PXDNL: variants seen among roughly 807,000 people sequenced by gnomAD.
PXDNL encodes the protein peroxidasin like, also known as probable oxidoreductase PXDNL.
Under a neutral mutation model 150.8 loss-of-function variants are expected in PXDNL, and 145 were observed. The ratio of observed to expected loss-of-function variants is 0.96; its 90% CI spans 0.84 to 1.10. PXDNL has a LOEUF of 1.10. Ranked by LOEUF, PXDNL falls within the 50% of genes least tolerant of loss-of-function variation. The pLI is 0.00. For synonymous variants in PXDNL, 757 were observed against 725.7 expected (o/e 1.04, Z -0.69); for missense variants, 2,087 against 1,873.9 (o/e 1.11, Z -2.10).
intron 19 of PXDNL, among the ~76,000 whole-genome samples, chr8:51,348,031 T>A (rs1377128639): frequency 6.6e-6 from 1 of 152,208 alleles, no homozygotes; most frequent in Non-Finnish European, 1.5e-5. Flanking sequence ...TTTATGGAGA[T>A]CTTACTGAAT....
At chr8:51,571,712 A>G (rs1054345108) in intron 3 of PXDNL, among the ~76,000 whole-genome samples, 2 of 151,886 alleles carry the variant, frequency 1.3e-5, no homozygotes, top group African/African-American at 4.8e-5. Flanking sequence ...CATAGGACAG[A>G]AATGTGAGTT....
intron 3 of PXDNL, among the ~76,000 whole-genome samples, chr8:51,588,174 A>T (rs1288629297): frequency 6.6e-6 from 1 of 152,202 alleles, no homozygotes; most frequent in Non-Finnish European, 1.5e-5. Context: ...ATTTGAAGAA[A>T]TAAAAGAGCA....
At chr8:51,498,954 G>A (rs1044206364) in intron 5 of PXDNL, among the ~76,000 whole-genome samples, 5 of 152,042 alleles carry the variant, frequency 3.3e-5, no homozygotes, top group Non-Finnish European at 5.9e-5. Flanking sequence ...TTTTGTTGTT[G>A]GAGACTTGAG....
At chr8:51,482,025 C>T (rs146186545) in intron 6 of PXDNL, among the ~76,000 whole-genome samples, 24 of 152,308 alleles carry the variant, frequency 1.6e-4, no homozygotes, top group African/African-American at 5.5e-4. Context: ...GGCCAACGTC[C>T]TCCAGATCCC....
At chr8:51,748,984 A>G (rs557094374) in intron 1 of PXDNL, among the ~76,000 whole-genome samples, 3 of 152,234 alleles carry the variant, frequency 2.0e-5, no homozygotes, top group Non-Finnish European at 4.4e-5. Context: ...GTTCATTATG[A>G]ATTTGAAGGC....
chr8:51,334,380 AACAG>A (rs1241791330), intron 21 of PXDNL, among the ~76,000 whole-genome samples: 1 of 152,178 alleles, frequency 6.6e-6, no homozygotes, highest in Non-Finnish European at 1.5e-5. Context: ...AAAGAGCACA[AACAG>A]ACAATCTAAG....
In PXDNL at chr8:51,791,688, C is replaced by G. The variant is rs78607643; in HGVS notation, c.164+17493G>C. On this transcript the variant is annotated intron_variant, in intron 1 of 22. Transcript: ENST00000356297. Reference sequence around the variant, plus strand: ...AAAAGTCAGGTGTTCATATAGCTCCCCCTTAGTAGAGTTAGCTTCCCACTC... The same window carrying G: ...AAAAGTCAGGTGTTCATATAGCTCCGCCTTAGTAGAGTTAGCTTCCCACTC... Among the ~76,000 whole-genome samples the G allele has an allele frequency of 1.2e-3, 180 of 152,260 alleles. 1 individual carries two copies. In the East Asian group the frequency reaches 0.029, roughly 25 times the overall value.
chr8:51,789,541 A>T (rs2037491783), intron 1 of PXDNL, among the ~76,000 whole-genome samples: 1 of 152,338 alleles, frequency 6.6e-6, no homozygotes, highest in South Asian at 2.1e-4. Context: ...TTTGCCCAAG[A>T]TCATACACCT....
Position 51,723,279 on chromosome 8 carries a change from C to A in PXDNL, c.165-68519G>T, listed in dbSNP as rs188984137. Among the ~76,000 whole-genome samples, 8 of 152,202 alleles carry A rather than the reference C, an allele frequency of 5.3e-5. No individual in the cohort carries two copies. The East Asian group carries it at 9.7e-4, about 18-fold the overall frequency. ...AAACAGGAATGTGGTAAAGGAAACACAAATTGAGAGTCAAATGGACCTGGA... is the reference window on the plus strand; with the variant it reads ...AAACAGGAATGTGGTAAAGGAAACAAAAATTGAGAGTCAAATGGACCTGGA... On this transcript the variant is annotated intron_variant, in intron 1 of 22. Transcript: ENST00000356297.
At chr8:51,320,466 A>T (rs114513103) in intron 22 of PXDNL, among the ~76,000 whole-genome samples, 58 of 152,364 alleles carry the variant, frequency 3.8e-4, no homozygotes, top group African/African-American at 1.4e-3. Context: ...CTGACTGAAG[A>T]ATAATGAGAT....
At chr8:51,473,804 C>T (rs951198023) in intron 7 of PXDNL, among the ~76,000 whole-genome samples, 2 of 150,318 alleles carry the variant, frequency 1.3e-5, no homozygotes, top group Admixed American at 6.6e-5. Flanking sequence ...CAGCAAGGAC[C>T]GTACAAAAAG....
At chr8:51,424,155 G>C (rs1433541689) in intron 13 of PXDNL, among the ~76,000 whole-genome samples, 1 of 151,984 alleles carries the variant, frequency 6.6e-6, no homozygotes, top group African/African-American at 2.4e-5. Context: ...TTGAGCTCAG[G>C]AGTTCAAGAC....
chr8:51,509,739 T>C (rs1050379938), intron 4 of PXDNL, among the ~76,000 whole-genome samples: 8 of 106,212 alleles, frequency 7.5e-5, no homozygotes, highest in Non-Finnish European at 1.3e-4. Flanking sequence ...TATATACATA[T>C]ATACACACAC....
intron 1 of PXDNL, among the ~76,000 whole-genome samples, chr8:51,770,937 C>T (rs904382298): frequency 6.6e-6 from 1 of 152,122 alleles, no homozygotes; most frequent in Non-Finnish European, 1.5e-5. Context: ...CATCTTCCCA[C>T]AAAAGGAAAG....
intron 1 of PXDNL, among the ~76,000 whole-genome samples, chr8:51,717,551 T>C (rs1816639151): frequency 6.6e-6 from 1 of 152,288 alleles, no homozygotes; most frequent in Non-Finnish European, 1.5e-5. Context: ...GGGCTTCCCA[T>C]GTTGCAGGAT....
chr8:51,696,166 G>C (rs1816119595), intron 1 of PXDNL, among the ~76,000 whole-genome samples: 1 of 152,178 alleles, frequency 6.6e-6, no homozygotes, highest in Non-Finnish European at 1.5e-5. Context: ...GGCTGCTGTG[G>C]ACTTAATTGT....
chr8:51,448,427 G>A (rs1809728542), intron 11 of PXDNL, among the ~76,000 whole-genome samples: 1 of 152,212 alleles, frequency 6.6e-6, no homozygotes, highest in African/African-American at 2.4e-5. Flanking sequence ...ACTTGCGGCC[G>A]GGCGCGGTGG....
At chr8:51,658,344 G>GAAAAAAAAAAAAAGAAAAAAAAAAA (rs1815195355) in intron 1 of PXDNL, among the ~76,000 whole-genome samples, 1 of 94,232 alleles carries the variant, frequency 1.1e-5, no homozygotes, top group Non-Finnish European at 2.1e-5. Flanking sequence ...CCTGTCTCAA[G>GAAAAAAAAAAAAAGAAAAAAAAAAA]AAAAAAAAAA....
chr8:51,584,307 T>C (rs1813275759), intron 3 of PXDNL, among the ~76,000 whole-genome samples: 1 of 152,150 alleles, frequency 6.6e-6, no homozygotes, highest in Non-Finnish European at 1.5e-5. Context: ...TCCACCCCAC[T>C]CTGTAAGGCA....
Sources: gnomAD v4.1 joint callset for allele counts (sites outside exome capture counted in the v4.1 genomes callset) on GRCh38, gnomAD v4.1.1 for gene constraint, MANE v1.5 for transcripts, NCBI Gene and HGNC (gene_info 2026-07-23, HGNC 2026-07-21) for gene names.